Variants in TAB2 observed in about 807,000 individuals in gnomAD.
TAB2 encodes TGF-beta activated kinase 1 (MAP3K7) binding protein 2, also known as TGF-beta-activated kinase 1 and MAP3K7-binding protein 2.
TAB2 carries 3 observed loss-of-function variants against 65.0 expected under a neutral mutation model. The ratio of observed to expected loss-of-function variants is 0.05; its 90% confidence interval spans 0.02 to 0.12. The LOEUF is 0.12. Ranked by LOEUF, TAB2 falls within the 10% of genes least tolerant of loss-of-function variation. The pLI is 1.00. For missense variants in TAB2, 623 were observed against 840.3 expected, an observed-to-expected ratio of 0.74 and a Z score of 3.20; for synonymous variants, 298 against 285.1, an observed-to-expected ratio of 1.05 and a Z score of -0.46.
chr6:149,369,021 A>AAAAAGAATGAATGT (rs1362729785), intron 1 of TAB2, among the ~76,000 whole-genome samples: 1 of 152,190 alleles, frequency 6.6e-6, no homozygotes, highest in Non-Finnish European at 1.5e-5. Flanking sequence ...TAACGAGGTT[A>AAAAAGAATGAATGT]AAAAGAGAAA....
intron 1 of TAB2, among the ~76,000 whole-genome samples, chr6:149,364,951 A>G (rs1301796272): frequency 6.6e-6 from 1 of 151,960 alleles, no homozygotes; most frequent in African/African-American, 2.4e-5. Flanking sequence ...GAAATCAAAA[A>G]TTGTTTACAT....
intron 6 of TAB2, among the ~76,000 whole-genome samples, chr6:149,407,525 A>G (rs1271589325): frequency 6.6e-6 from 1 of 152,184 alleles, no homozygotes; most frequent in Admixed American, 6.5e-5. Context: ...CCATTACTTA[A>G]AAGTTTTTAC....
intron 1 of TAB2, among the ~76,000 whole-genome samples, chr6:149,326,960 GTAA>G (rs1309904634): frequency 3.9e-5 from 6 of 152,134 alleles, no homozygotes; most frequent in African/African-American, 1.4e-4. Context: ...CTTAATATCA[GTAA>G]TAATTAGGTC....
chr6:149,224,415 G>A (rs146059882), intron 1 of TAB2, among the ~76,000 whole-genome samples: 1 of 152,236 alleles, frequency 6.6e-6, no homozygotes, highest in African/African-American at 2.4e-5. Context: ...AAGTCAAATG[G>A]CACGGATTTT....
At chr6:149,376,184 G>A (rs1254762899) in intron 2 of TAB2, among the ~76,000 whole-genome samples, 3 of 151,828 alleles carry the variant, frequency 2.0e-5, no homozygotes, top group Admixed American at 6.6e-5. Flanking sequence ...TCAAACTCTC[G>A]TTACTTTGTG....
intron 1 of TAB2, among the ~76,000 whole-genome samples, chr6:149,327,903 A>G (rs960644331): frequency 2.0e-5 from 3 of 152,178 alleles, no homozygotes; most frequent in African/African-American, 7.2e-5. Flanking sequence ...AGCTAAGGTA[A>G]TTGTTTGGCC....
chr6:149,308,818 G>T (rs573811302), intron 1 of TAB2, among the ~76,000 whole-genome samples: 2 of 152,214 alleles, frequency 1.3e-5, no homozygotes, highest in East Asian at 1.9e-4. Context: ...GAGCCACCAC[G>T]TCCGGCCGAT....
At position 149,308,369 on chromosome 6, in the gene TAB2, C is replaced by T. The variant is rs533476803; in HGVS notation, c.-120-69649C>T. Reference sequence around the variant, plus strand: ...CCACCATGCCAACACTGGAGTTTGGCTTTTTTAAAAAATCTTTGCCATTAA... The same window carrying T: ...CCACCATGCCAACACTGGAGTTTGGTTTTTTTAAAAAATCTTTGCCATTAA... On this transcript the variant is annotated intron_variant, in intron 1 of 1. Transcript: ENST00000606202. 5.9e-5 allele frequency among the ~76,000 whole-genome samples: 9 copies of T among 152,110 alleles called. No individual in the cohort carries two copies. In the East Asian group the frequency reaches 1.7e-3, roughly 29 times the overall value.
At chr6:149,319,935 G>A (rs528642137) in intron 1 of TAB2, among the ~76,000 whole-genome samples, 1 of 152,184 alleles carries the variant, frequency 6.6e-6, no homozygotes, top group East Asian at 1.9e-4. Context: ...TCAAATACAT[G>A]TTTTTTGAAA....
intron 6 of TAB2, among the ~76,000 whole-genome samples, chr6:149,401,896 C>G (rs551828274): frequency 1.3e-5 from 2 of 150,720 alleles, no homozygotes; most frequent in East Asian, 3.9e-4. Flanking sequence ...GGAATCTTAA[C>G]AGTATCTTCA....
At chr6:149,347,388 G>A (rs1271221472) in intron 1 of TAB2, among the ~76,000 whole-genome samples, 1 of 152,184 alleles carries the variant, frequency 6.6e-6, no homozygotes, top group African/African-American at 2.4e-5. Flanking sequence ...AATGTTTATT[G>A]TTATTCTTTA....
chr6:149,289,933 A>T (rs1778746685), intron 1 of TAB2, among the ~76,000 whole-genome samples: 1 of 152,188 alleles, frequency 6.6e-6, no homozygotes, highest in Admixed American at 6.6e-5. Context: ...GTTCCAGGTC[A>T]TAGGTGGTTG....
In TAB2 at chr6:149,409,716, C is replaced by T. The variant is rs773943431; in HGVS notation, c.2079C>T (p.Phe693=). ...RCEQCEMPRH[F] is the part of the protein sequence containing the mutation. ...AACAGTGTGAGATGCCAAGGCATTT[C>T]TGAGCCAAATGGCCCTGTATCTTCT... Residue 693 remains phenylalanine (F), a synonymous_variant, in exon 7 of 7, where the codon TTC becomes TTT. Transcript: ENST00000637181. The T allele has an allele frequency of 6.2e-7, 1 of 1,614,080 alleles. No homozygotes were observed. Among genetic ancestry groups the T allele is most frequent in the South Asian group, 1.1e-5 (1 of 91,084 alleles).
At chr6:149,342,234 G>C (rs1296491956) in intron 1 of TAB2, among the ~76,000 whole-genome samples, 1 of 152,024 alleles carries the variant, frequency 6.6e-6, no homozygotes, top group East Asian at 1.9e-4. Flanking sequence ...AGAAACCCCT[G>C]GGAATGGATC....
chr6:149,317,099 C>T (rs552356859), upstream of TAB2, among the ~76,000 whole-genome samples: 8 of 151,410 alleles, frequency 5.3e-5, no homozygotes, highest in South Asian at 1.2e-3. This position sits in a 1 kb window ranked among gnomAD's most constrained non-coding sequence, Gnocchi z 4.7. Context: ...GCAAGTCCCG[C>T]CACCCACTTC....
rs71010865 is a variant in TAB2, at chr6:149,403,247, A to AATATAT, written c.1939+4095_1939+4100dup. ...GAAACTCTTGTCTAAAAAAAAAAAA[A>AATATAT]ATATATATATATATATATATATATA... On this transcript the variant is annotated intron_variant, in intron 6 of 6. Transcript: ENST00000637181. Among the ~76,000 whole-genome samples the AATATAT allele has an allele frequency of 6.5e-3, 285 of 43,934 alleles. 3 individuals are homozygous for AATATAT. Among genetic ancestry groups the AATATAT allele is most frequent in the Non-Finnish European group, 7.6e-3 (212 of 27,744 alleles). The allele number at this position is 43,934 out of a possible 152,430, so 28.8% of individuals were successfully genotyped here. A position where few individuals can be genotyped will look rare whatever the true frequency, so the allele number is the denominator to read the frequency against.
chr6:149,306,241 A>G (rs1015368609), intron 1 of TAB2, among the ~76,000 whole-genome samples: 1 of 151,942 alleles, frequency 6.6e-6, no homozygotes, highest in African/African-American at 2.4e-5. Flanking sequence ...CCCCATCTCT[A>G]CTAAAAATAC....
At chr6:149,400,408 C>G in intron 6 of TAB2, 3 of 1,614,190 alleles carry the variant, frequency 1.9e-6, no homozygotes, top group Non-Finnish European at 2.5e-6. Flanking sequence ...AACGAAAAGC[C>G]CACAGAAGAA....
At chr6:149,263,650 T>A (rs1322543808) in intron 1 of TAB2, among the ~76,000 whole-genome samples, 3 of 152,158 alleles carry the variant, frequency 2.0e-5, no homozygotes, top group Admixed American at 2.0e-4. Flanking sequence ...TGAACAAAGT[T>A]TCCCCCAAAT....
Sources: gnomAD v4.1 joint callset for allele counts (sites outside exome capture counted in the v4.1 genomes callset) on GRCh38, gnomAD v4.1.1 for gene constraint, Gnocchi (gnomAD v3.1) non-coding constraint, MANE v1.5 for transcripts, NCBI Gene and HGNC (gene_info 2026-07-23, HGNC 2026-07-21) for gene names.